SLC8A1: variants seen among roughly 807,000 people sequenced by gnomAD.
SLC8A1 encodes solute carrier family 8 member A1, also known as sodium/calcium exchanger 1.
In SLC8A1, 18 loss-of-function variants were observed where a neutral mutation model predicts 68.3. The observed-to-expected ratio is 0.26, with a 90% CI of 0.18 to 0.39. SLC8A1 has a LOEUF of 0.39. Ranked by LOEUF, SLC8A1 falls within the 10% of genes least tolerant of loss-of-function variation. The pLI is 1.00. For synonymous variants in SLC8A1, 475 were observed against 415.5 expected, an observed-to-expected ratio of 1.14 and a Z score of -1.74; for missense variants, 985 against 1,156.7, an observed-to-expected ratio of 0.85 and a Z score of 2.15.
chr2:40,450,400 AAG>A (rs753083236), intron 1 of SLC8A1, among the ~76,000 whole-genome samples: 2 of 151,890 alleles, frequency 1.3e-5, no homozygotes, highest in African/African-American at 4.8e-5. Context: ...GGGCATGGGA[AAG>A]AGAGGTATAC....
intron 2 of SLC8A1, among the ~76,000 whole-genome samples, chr2:40,323,538 C>T (rs1651489208): frequency 6.6e-6 from 1 of 152,084 alleles, no homozygotes; most frequent in South Asian, 2.1e-4. Flanking sequence ...ATTTAAATTT[C>T]TATTAACACT....
intron 2 of SLC8A1, among the ~76,000 whole-genome samples, chr2:40,206,749 G>A (rs2055531168): frequency 6.6e-6 from 1 of 151,934 alleles, no homozygotes; most frequent in Admixed American, 6.6e-5. Flanking sequence ...TGGTTGAGGG[G>A]GTTTGAAGGA....
At chr2:40,276,508 GC>G (rs1315097827) in intron 2 of SLC8A1, among the ~76,000 whole-genome samples, 2 of 152,170 alleles carry the variant, frequency 1.3e-5, no homozygotes, top group Non-Finnish European at 2.9e-5. Context: ...GAAGAAAAGT[GC>G]CCAGCTTATT....
At chr2:40,499,685 A>T (rs1334265105) in intron 1 of SLC8A1, among the ~76,000 whole-genome samples, 1 of 152,004 alleles carries the variant, frequency 6.6e-6, no homozygotes, top group Non-Finnish European at 1.5e-5. Context: ...ACCTAGGACA[A>T]TCTTCTGGTT....
intron 2 of SLC8A1, among the ~76,000 whole-genome samples, chr2:40,340,520 G>A (rs1442246015): frequency 1.4e-4 from 21 of 152,162 alleles, no homozygotes; most frequent in Admixed American, 1.2e-3. Context: ...GAGATCGTGC[G>A]ACTGCACTCC....
chr2:40,371,904 G>A (rs1310884055), intron 2 of SLC8A1, among the ~76,000 whole-genome samples: 1 of 152,026 alleles, frequency 6.6e-6, no homozygotes, highest in Non-Finnish European at 1.5e-5. Flanking sequence ...TTGGTCTCCT[G>A]GGCCAGGCAC....
intron 2 of SLC8A1, among the ~76,000 whole-genome samples, chr2:40,228,258 T>C (rs2059233788): frequency 6.6e-6 from 1 of 152,184 alleles, no homozygotes; most frequent in Non-Finnish European, 1.5e-5. Context: ...GCAGCAGACA[T>C]TAGCTGTAAG....
At chr2:40,380,524 T>A (rs544008676) in intron 2 of SLC8A1, among the ~76,000 whole-genome samples, 4 of 152,170 alleles carry the variant, frequency 2.6e-5, no homozygotes, top group Admixed American at 6.5e-5. Flanking sequence ...AGATGCAAAA[T>A]CATTTTTGAT....
chr2:40,384,457 C>T (rs1033455660), intron 2 of SLC8A1, among the ~76,000 whole-genome samples: 6 of 151,998 alleles, frequency 3.9e-5, no homozygotes, highest in African/African-American at 7.2e-5. Flanking sequence ...TAGAAGGCAA[C>T]ATTCTCTAAT....
intron 2 of SLC8A1, among the ~76,000 whole-genome samples, chr2:40,307,881 T>A (rs924517607): frequency 6.6e-6 from 1 of 152,158 alleles, no homozygotes; most frequent in African/African-American, 2.4e-5. Context: ...AAGCACTGAT[T>A]TTTGATCATG....
rs1226537603 is a variant in SLC8A1, at chr2:40,428,329, C to G, written c.1808+144G>C. The G allele has an allele frequency of 2.2e-6, 3 of 1,361,212 alleles. No homozygotes were observed. The East Asian group carries it at 8.1e-5, about 37-fold the overall frequency. 84.3% of individuals were successfully genotyped at this position (1,361,212 alleles called of 1,614,324 possible). A position where few individuals can be genotyped will look rare whatever the true frequency, so the allele number is the denominator to read the frequency against. ...CTGGCACCCAAGCAAAGACTGATAT[C>G]TTGAAAGGGATCTTGTATAAAAGCT... On this transcript the variant is annotated intron_variant, in intron 2 of 7. Coordinates refer to ENST00000406785, the Ensembl canonical transcript of SLC8A1.
In SLC8A1 at chr2:40,506,298, A is replaced by T. The variant is rs549345293; in HGVS notation, c.-25+6051T>A. Among the ~76,000 whole-genome samples the T allele has an allele frequency of 2.6e-5, 4 of 152,014 alleles. No homozygotes were observed. The South Asian group carries it at 8.3e-4, about 31-fold the overall frequency. On this transcript the variant is annotated intron_variant, in intron 1 of 7. Coordinates refer to the SLC8A1 transcript ENST00000402441. ...CAAAAAGTAGATACAATTATCCAGT[A>T]ATTTGGGCATGGTAACCCAAATGGA...
chr2:40,164,532 T>C (rs932042014), intron 5 of SLC8A1, among the ~76,000 whole-genome samples: 1 of 152,142 alleles, frequency 6.6e-6, no homozygotes, highest in South Asian at 2.1e-4. Flanking sequence ...CTTCCACACA[T>C]AACAATCTCT....
intron 7 of SLC8A1, among the ~76,000 whole-genome samples, chr2:40,137,892 G>A (rs2040823032): frequency 6.6e-6 from 1 of 152,080 alleles, no homozygotes; most frequent in Non-Finnish European, 1.5e-5. Flanking sequence ...CCCCCAGGCA[G>A]GCAGTCAGTT....
intron 1 of SLC8A1, among the ~76,000 whole-genome samples, chr2:40,470,243 A>C (rs1259915538): frequency 6.6e-6 from 1 of 152,124 alleles, no homozygotes; most frequent in Non-Finnish European, 1.5e-5. Context: ...AAAATTTCCC[A>C]TTGTGTTTAA....
chr2:40,398,359 C>G (rs73928980), intron 2 of SLC8A1, among the ~76,000 whole-genome samples: 1 of 152,132 alleles, frequency 6.6e-6, no homozygotes, highest in Non-Finnish European at 1.5e-5. Flanking sequence ...CCACTCCTCA[C>G]CATATGTCAT....
At chr2:40,256,189 T>C (rs141991324) in intron 2 of SLC8A1, among the ~76,000 whole-genome samples, 584 of 152,316 alleles carry the variant, frequency 3.8e-3, no homozygotes, top group Middle Eastern at 6.8e-3. Flanking sequence ...TCCGGTGATA[T>C]TGGACCTTCC....
At chr2:40,139,375 G>T (rs747550024) in intron 7 of SLC8A1, 26 bp downstream of exon 10, 26 of 1,610,662 alleles carry the variant, frequency 1.6e-5, no homozygotes, top group South Asian at 3.3e-5. Flanking sequence ...GCTACTGGGG[G>T]AATTATACAT....
intron 1 of SLC8A1, among the ~76,000 whole-genome samples, chr2:40,433,420 G>T (rs1014839005): frequency 9.9e-5 from 15 of 152,112 alleles, no homozygotes; most frequent in African/African-American, 3.6e-4. Flanking sequence ...CCAATTTCCT[G>T]AGAGAATACT....
Sources: gnomAD v4.1 joint callset for allele counts (sites outside exome capture counted in the v4.1 genomes callset) on GRCh38, gnomAD v4.1.1 for gene constraint, MANE v1.5 for transcripts, NCBI Gene and HGNC (gene_info 2026-07-23, HGNC 2026-07-21) for gene names.